Variants in FARS2 observed in about 807,000 individuals in gnomAD.
FARS2 encodes the protein phenylalanine--tRNA ligase, mitochondrial.
FARS2 carries 40 observed loss-of-function variants against 46.4 expected under a neutral mutation model. That is an observed-to-expected ratio of 0.86 (90% CI 0.67 to 1.12). The LOEUF (loss-of-function observed/expected upper bound fraction) is 1.12, where lower values mean the gene tolerates loss of function less well. Among genes scored for constraint, FARS2 ranks in the 50% most tolerant of loss-of-function variants. The pLI, the probability that FARS2 is intolerant of heterozygous loss-of-function variation, is 0.00. For missense variants in FARS2, 513 were observed against 567.9 expected, an observed-to-expected ratio of 0.90 and a Z score of 0.98; for synonymous variants, 234 against 214.9, an observed-to-expected ratio of 1.09 and a Z score of -0.78.
chr6:5,321,260 A>G lies in FARS2; in HGVS notation c.-21-47290A>G, dbSNP rs143119720. Among the ~76,000 whole-genome samples the G allele has an allele frequency of 2.2e-3, 334 of 152,290 alleles. 1 individual carries two copies. The highest frequency in any genetic ancestry group is 7.7e-3 in the African/African-American group (321 of 41,570). On this transcript the variant is annotated intron_variant, in intron 1 of 6. Transcript: ENST00000274680. ...AAGTATTTGACTTGTGTTTTTCATG[A>G]TGCTTAGACTTCTAAAATCCTATGG...
intron 4 of FARS2, among the ~76,000 whole-genome samples, chr6:5,523,460 T>G (rs73356383): frequency 0.035 from 5,305 of 151,892 alleles, 151 homozygotes; most frequent in African/African-American, 0.072. Flanking sequence ...GTGGATTTCT[T>G]GGAGATTCCC....
At chr6:5,496,163 GGAGGGTAATACTCCATT>G (rs1346145144) in intron 4 of FARS2, among the ~76,000 whole-genome samples, 6 of 152,126 alleles carry the variant, frequency 3.9e-5, no homozygotes, top group Non-Finnish European at 8.8e-5. Flanking sequence ...GGGGGTGGAA[GGAGGGTAATACTCCATT>G]GAGTACTCTG....
intron 4 of FARS2, among the ~76,000 whole-genome samples, chr6:5,512,267 G>C (rs1374274040): frequency 1.3e-5 from 2 of 152,150 alleles, no homozygotes; most frequent in Admixed American, 6.5e-5. Context: ...GGGAGAGCCA[G>C]TTCTGGAATT....
At chr6:5,405,638 G>A (rs552940727) in intron 3 of FARS2, among the ~76,000 whole-genome samples, 13 of 151,718 alleles carry the variant, frequency 8.6e-5, no homozygotes, top group South Asian at 2.1e-4. Context: ...GATGACAGGC[G>A]CCCACCACCA....
chr6:5,588,307 C>T (rs9405276), intron 5 of FARS2, among the ~76,000 whole-genome samples: 122,121 of 151,848 alleles, frequency 0.8, 49,154 homozygotes, highest in East Asian at 0.86. Context: ...CTCGGGACCA[C>T]GCTGTGGCCT....
chr6:5,442,414 T>TATACAC (rs144331509), intron 4 of FARS2, among the ~76,000 whole-genome samples: 2 of 150,208 alleles, frequency 1.3e-5, no homozygotes, highest in African/African-American at 4.9e-5. Flanking sequence ...TATATATATA[T>TATACAC]ACACACACAC....
At chr6:5,660,499 T>G (rs1561783222) in intron 6 of FARS2, among the ~76,000 whole-genome samples, 1 of 151,906 alleles carries the variant, frequency 6.6e-6, no homozygotes, top group Non-Finnish European at 1.5e-5. Context: ...ATTAAAAAAT[T>G]GGCTGGGCAT....
At position 5,397,125 on chromosome 6, in the gene FARS2, C is replaced by T. The variant is rs188291013; in HGVS notation, c.613-7417C>T. Among the ~76,000 whole-genome samples, 199 of 152,232 alleles carry T rather than the reference C, an allele frequency of 1.3e-3. 2 individuals carry two copies. The highest frequency in any genetic ancestry group is 4.9e-4 in the Non-Finnish European group (33 of 67,994). ...AAATGGTTTTTAACAAAAGATCATACATGAGTTATTAATCAATGAGAAGAC... is the reference window on the plus strand; with the variant it reads ...AAATGGTTTTTAACAAAAGATCATATATGAGTTATTAATCAATGAGAAGAC... On this transcript the variant is annotated intron_variant, in intron 2 of 6. Coordinates refer to ENST00000274680, the MANE Select transcript of FARS2 (RefSeq NM_006567.5).
intron 4 of FARS2, among the ~76,000 whole-genome samples, chr6:5,500,418 G>A (rs935936169): frequency 6.6e-6 from 1 of 152,212 alleles, no homozygotes; most frequent in Admixed American, 6.5e-5. Flanking sequence ...AAGACTTGAG[G>A]AGGAAGACAC....
chr6:5,324,712 C>T (rs966891063), intron 1 of FARS2, among the ~76,000 whole-genome samples: 6 of 152,090 alleles, frequency 3.9e-5, no homozygotes, highest in African/African-American at 1.5e-4. Context: ...CAGCTGTTTA[C>T]TACCACAACT....
chr6:5,281,617 C>T (rs1475414956), intron 1 of FARS2, among the ~76,000 whole-genome samples: 1 of 152,102 alleles, frequency 6.6e-6, no homozygotes, highest in African/African-American at 2.4e-5. Context: ...AACAGCAGCT[C>T]CCCATTCTCC....
chr6:5,261,003 T>G, upstream of FARS2: 2 of 1,037,428 alleles, frequency 1.9e-6, no homozygotes, highest in Non-Finnish European at 2.3e-6. Context: ...CCCGCCCCGA[T>G]CCCGCCCCCG....
chr6:5,505,775 G>T (rs983804299), intron 4 of FARS2, among the ~76,000 whole-genome samples: 9 of 152,150 alleles, frequency 5.9e-5, no homozygotes, highest in Non-Finnish European at 1.0e-4. Flanking sequence ...AACAGAAAAG[G>T]AAGACAGCAG....
intron 6 of FARS2, among the ~76,000 whole-genome samples, chr6:5,690,897 A>G (rs987315834): frequency 1.3e-5 from 2 of 152,032 alleles, no homozygotes; most frequent in African/African-American, 4.8e-5. Flanking sequence ...TTGTTCATTT[A>G]TTTTTATTCT....
intron 6 of FARS2, among the ~76,000 whole-genome samples, chr6:5,651,031 T>C (rs1036476170): frequency 6.6e-6 from 1 of 152,254 alleles, no homozygotes; most frequent in Admixed American, 6.5e-5. Flanking sequence ...ACATAAGCTT[T>C]AACCTCAGTT....
At chr6:5,369,420 A>G (rs2127645030) in intron 2 of FARS2, among the ~76,000 whole-genome samples, 1 of 152,030 alleles carries the variant, frequency 6.6e-6, no homozygotes, top group South Asian at 2.1e-4. Context: ...GTCTGTCCTT[A>G]TCCTTTCTCT....
intron 1 of FARS2, among the ~76,000 whole-genome samples, chr6:5,315,228 T>A (rs1769381224): frequency 6.6e-6 from 1 of 152,226 alleles, no homozygotes; most frequent in African/African-American, 2.4e-5. Context: ...GGCCAAGGAT[T>A]AGGAAGGGTT....
At chr6:5,710,400 G>C (rs1172535362) in intron 6 of FARS2, among the ~76,000 whole-genome samples, 1 of 152,216 alleles carries the variant, frequency 6.6e-6, no homozygotes, top group East Asian at 1.9e-4. Context: ...CCAAGATAGA[G>C]TCACAAGGAC....
intron 4 of FARS2, among the ~76,000 whole-genome samples, chr6:5,505,314 T>G (rs1011947647): frequency 6.6e-5 from 10 of 152,194 alleles, no homozygotes; most frequent in Non-Finnish European, 1.5e-4. Context: ...CTGTTGTGCC[T>G]TAGTGGTTTT....
Sources: gnomAD v4.1 joint callset for allele counts (sites outside exome capture counted in the v4.1 genomes callset) on GRCh38, gnomAD v4.1.1 for gene constraint, MANE v1.5 for transcripts, NCBI Gene and HGNC (gene_info 2026-07-23, HGNC 2026-07-21) for gene names.